The following DCDC1 variants were observed in gnomAD, a reference collection of about 807,000 sequenced individuals.
DCDC1 encodes doublecortin domain-containing protein 1.
In DCDC1, 200 loss-of-function variants were observed where a neutral mutation model predicts 178.3. That is an observed-to-expected ratio of 1.12 (90% CI 1.00 to 1.26). The LOEUF is 1.26. DCDC1 is among the 50% of genes most tolerant of loss of function. DCDC1 has a pLI of 0.00. For missense variants in DCDC1, 1,983 were observed against 1,749.2 expected (o/e 1.13, Z -2.38); for synonymous variants, 690 against 604.8 (o/e 1.14, Z -2.07).
At chr11:30,988,224 C>T (rs1422445224) in intron 20 of DCDC1, among the ~76,000 whole-genome samples, 2 of 151,964 alleles carry the variant, frequency 1.3e-5, no homozygotes, top group Non-Finnish European at 2.9e-5. Flanking sequence ...CAGTTAGGAA[C>T]CAAATGCTGT....
chr11:31,201,386 T>C (rs1054398957), intron 9 of DCDC1, among the ~76,000 whole-genome samples: 1 of 151,884 alleles, frequency 6.6e-6, no homozygotes, highest in African/African-American at 2.4e-5. Context: ...ATGACAAAAA[T>C]ATTCATACTA....
chr11:31,248,380 T>C (rs1943730291), intron 8 of DCDC1, among the ~76,000 whole-genome samples: 1 of 152,020 alleles, frequency 6.6e-6, no homozygotes, highest in African/African-American at 2.4e-5. Flanking sequence ...GTAAATAACA[T>C]TCAAAAGCAA....
Position 31,007,259 on chromosome 11 carries a change from A to C in DCDC1, c.2592-54691T>G, listed in dbSNP as rs369246499. On this transcript the variant is annotated intron_variant, in intron 20 of 38. Transcript: ENST00000684477. ...GAAATTAGAGAAAACACAGTGTTTC[A>C]CTCATTGAGACTGTGAGATGAAGCA... Among the ~76,000 whole-genome samples the C allele has an allele frequency of 5.3e-5, 8 of 152,342 alleles. No individual in the cohort carries two copies. The South Asian group carries it at 1.4e-3, about 28-fold the overall frequency.
At chr11:31,213,231 CCA>C (rs1491196260) in intron 9 of DCDC1, among the ~76,000 whole-genome samples, 1 of 148,462 alleles carries the variant, frequency 6.7e-6, no homozygotes, top group Non-Finnish European at 1.5e-5. Context: ...TCACTTCACC[CCA>C]GTCTGGTTGG....
intron 20 of DCDC1, among the ~76,000 whole-genome samples, chr11:30,964,050 C>G (rs546942573): frequency 1.3e-5 from 2 of 152,250 alleles, no homozygotes; most frequent in South Asian, 4.1e-4. Flanking sequence ...GAAGCGTTAG[C>G]TCTTCAGAAA....
At chr11:31,026,912 C>G (rs1953281985) in intron 20 of DCDC1, among the ~76,000 whole-genome samples, 1 of 151,682 alleles carries the variant, frequency 6.6e-6, no homozygotes, top group African/African-American at 2.4e-5. Context: ...CACAGCAACC[C>G]TCTCTATGAA....
At chr11:31,366,634 T>A (rs900008070) in intron 1 of DCDC1, among the ~76,000 whole-genome samples, 30 of 152,242 alleles carry the variant, frequency 2.0e-4, no homozygotes, top group African/African-American at 7.2e-4. Context: ...CAATTATTGA[T>A]GAAATGCTGT....
intron 2 of DCDC1, among the ~76,000 whole-genome samples, chr11:31,331,006 G>C (rs1196130264): frequency 1.3e-5 from 2 of 152,168 alleles, no homozygotes; most frequent in Admixed American, 6.6e-5. Flanking sequence ...TCACGATATT[G>C]ATTCTTCCTA....
intron 7 of DCDC1, among the ~76,000 whole-genome samples, chr11:31,281,638 G>A (rs566157931): frequency 2.2e-4 from 34 of 152,056 alleles, no homozygotes; most frequent in African/African-American, 4.1e-4. Context: ...CCATAATTCC[G>A]TTTTGTGGGA....
chr11:31,171,631 G>A (rs921423059), intron 9 of DCDC1, among the ~76,000 whole-genome samples: 5 of 152,174 alleles, frequency 3.3e-5, no homozygotes, highest in African/African-American at 7.2e-5. Context: ...TCCTAGAAGA[G>A]ACGATCATTA....
At chr11:30,983,506 T>C (rs979928073) in intron 20 of DCDC1, among the ~76,000 whole-genome samples, 1 of 152,198 alleles carries the variant, frequency 6.6e-6, no homozygotes, top group Non-Finnish European at 1.5e-5. Flanking sequence ...AATAGAATTA[T>C]CTGGTTCACA....
chr11:31,169,998 T>C (rs1358510486), intron 9 of DCDC1, among the ~76,000 whole-genome samples: 3 of 151,916 alleles, frequency 2.0e-5, no homozygotes, highest in Non-Finnish European at 4.4e-5. Context: ...ACAGGGTGAG[T>C]GAATGGGAGT....
intron 9 of DCDC1, among the ~76,000 whole-genome samples, chr11:31,196,188 C>A (rs1418237357): frequency 6.6e-6 from 1 of 151,950 alleles, no homozygotes; most frequent in African/African-American, 2.4e-5. Flanking sequence ...TAGTTTGCTA[C>A]AACAACTGAT....
At chr11:30,873,514 T>C (rs945703931) in intron 38 of DCDC1, among the ~76,000 whole-genome samples, 2 of 152,092 alleles carry the variant, frequency 1.3e-5, no homozygotes, top group Non-Finnish European at 2.9e-5. Context: ...ATTTCATTGG[T>C]CTGGCAAGAG....
chr11:31,231,923 T>C (rs962548926), intron 9 of DCDC1, among the ~76,000 whole-genome samples: 4 of 152,238 alleles, frequency 2.6e-5, no homozygotes, highest in Non-Finnish European at 5.9e-5. Flanking sequence ...TCCTGCAGTG[T>C]GTATCTTCTT....
At chr11:30,871,782 G>A (rs1941591098) in intron 38 of DCDC1, among the ~76,000 whole-genome samples, 1 of 151,896 alleles carries the variant, frequency 6.6e-6, no homozygotes, top group Non-Finnish European at 1.5e-5. Context: ...GGTTAGTTCT[G>A]ACTCAATAAC....
rs1208863530 is a variant in DCDC1 at position 30,920,943 on chromosome 11, G to T, written c.3134-8C>A. ...GGACTTCTAAAACAAGAGCTGAGCA[G>T]AAATTCACAAATTGCAAAGACATAT... is the stretch of plus-strand genomic sequence containing the variant. On this transcript the variant is annotated splice_polypyrimidine_tract_variant and splice_region_variant and intron_variant, in intron 24 of 38. Transcript: ENST00000684477. The T allele has an allele frequency of 5.6e-6, 9 of 1,604,098 alleles. No homozygotes were observed. Among genetic ancestry groups the T allele is most frequent in the Non-Finnish European group, 7.7e-6 (9 of 1,174,758 alleles).
intron 11 of DCDC1, among the ~76,000 whole-genome samples, chr11:31,118,941 T>C (rs1202639156): frequency 6.6e-6 from 1 of 152,170 alleles, no homozygotes; most frequent in Admixed American, 6.5e-5. Context: ...TGTATCTTCC[T>C]ACGGAGATTT....
intron 9 of DCDC1, among the ~76,000 whole-genome samples, chr11:31,189,241 G>T (rs774466626): frequency 6.6e-6 from 1 of 152,116 alleles, no homozygotes; most frequent in Non-Finnish European, 1.5e-5. Flanking sequence ...ACCCAAATAT[G>T]AGAATGCTAT....
Sources: allele counts gnomAD v4.1 joint callset (sites outside exome capture counted in the v4.1 genomes callset), GRCh38; gene constraint gnomAD v4.1.1; transcripts MANE v1.5; gene names NCBI Gene and HGNC (gene_info 2026-07-23, HGNC 2026-07-21).